Variants in MS4A6A observed in about 807,000 individuals in gnomAD.
MS4A6A encodes the protein membrane-spanning 4-domains subfamily A member 6A.
Under a neutral mutation model 20.6 loss-of-function variants are expected in MS4A6A, and 19 were observed. That is an observed-to-expected ratio of 0.92 (90% CI 0.64 to 1.36). MS4A6A has a LOEUF of 1.36. Ranked by LOEUF, MS4A6A falls within the 40% of genes most tolerant of loss-of-function variation. The pLI is 0.00. For missense variants in MS4A6A, 272 were observed against 261.1 expected (o/e 1.04, Z -0.29); for synonymous variants, 108 against 105.0 (o/e 1.03, Z -0.17).
intron 3 of MS4A6A, 65 bp downstream of exon 3, chr11:60,179,766 T>G: frequency 6.3e-7 from 1 of 1,584,960 alleles, no homozygotes. Flanking sequence ...AGGTGGGAAG[T>G]CTAAGCTATT....
chr11:60,181,028 C>T (rs542066409), intron 2 of MS4A6A: 24 of 453,938 alleles, frequency 5.3e-5, no homozygotes, highest in African/African-American at 4.6e-4. Flanking sequence ...CTGTGTTTCC[C>T]TCCCAATCCA....
intron 4 of MS4A6A, among the ~76,000 whole-genome samples, chr11:60,175,846 G>A (rs748173165): frequency 1.4e-4 from 22 of 152,144 alleles, no homozygotes; most frequent in Non-Finnish European, 2.4e-4. Flanking sequence ...CCTCAGTGGT[G>A]TGGTAGAGAA....
chr11:60,175,325 T>G, intron 5 of MS4A6A, 77 bp downstream of exon 5: 1 of 1,257,458 alleles, frequency 8.0e-7, no homozygotes, highest in Non-Finnish European at 1.1e-6. Context: ...AGAGAGATTT[T>G]CAAAAGAAGG....
In MS4A6A at chr11:60,181,734, G is replaced by A. The variant is rs369091345; in HGVS notation, c.-7C>T. 2.4e-5 allele frequency: 39 copies of A among 1,613,784 alleles called. No homozygotes were observed. The East Asian group carries it at 4.5e-4, about 18-fold the overall frequency. On this transcript the variant is annotated 5_prime_UTR_variant, in exon 2 of 6. Coordinates refer to ENST00000528851, the MANE Select transcript of MS4A6A (RefSeq NM_022349.4). ...GAACAGGTTGTGATGTCATGATGGT[G>A]TTGCCAACTATGTAAGAAAAAATAG...
At chr11:60,178,917 T>C in intron 3 of MS4A6A, 1 of 382,306 alleles carries the variant, frequency 2.6e-6, no homozygotes, top group Admixed American at 3.7e-5. Flanking sequence ...CTATCAAAGT[T>C]CTCAAGGAAA....
intron 2 of MS4A6A, 97 bp downstream of exon 2, chr11:60,181,484 G>A (rs1590684164): frequency 6.7e-7 from 1 of 1,486,630 alleles, no homozygotes; most frequent in African/African-American, 1.4e-5. Flanking sequence ...AAAATTTTAG[G>A]GTCTCCACAC....
chr11:60,181,712 C>G lies in MS4A6A; in HGVS notation c.16G>C (p.Val6Leu). The G allele has an allele frequency of 3.7e-6, 6 of 1,614,122 alleles. No individual in the cohort carries two copies. Among genetic ancestry groups the G allele is most frequent in the African/African-American group, 1.3e-5 (1 of 75,036 alleles). ...AGCACTATGATGGTCTCATTGGGAA[C>G]AGGTTGTGATGTCATGATGGTGTTG... The part of the protein sequence containing the change: MTSQP[V>L]PNETIIVLPS... The change falls in exon 2 of 6, where the codon GTT becomes CTT. Residue 6 changes from valine to leucine, a missense_variant. Val to Leu is a conservative substitution (Grantham distance 32). Transcript: ENST00000528851.
chr11:60,173,661 T>C (rs948241632), intron 5 of MS4A6A, among the ~76,000 whole-genome samples: 48 of 152,252 alleles, frequency 3.2e-4, no homozygotes, highest in African/African-American at 1.1e-3. Context: ...GACATCCCTG[T>C]CTATGTATCT....
chr11:60,175,741 G>A (rs1856806685), intron 4 of MS4A6A, 130 bp from the exon 5 acceptor site: 2 of 920,206 alleles, frequency 2.2e-6, no homozygotes, highest in Non-Finnish European at 3.3e-6. Flanking sequence ...ATTTATTGCT[G>A]TATGCCTCTC....
chr11:60,174,381 T>C (rs1301300260), intron 5 of MS4A6A, among the ~76,000 whole-genome samples: 2 of 151,326 alleles, frequency 1.3e-5, no homozygotes, highest in Non-Finnish European at 2.9e-5. Flanking sequence ...TGGAGTGCAG[T>C]GGCGTGATCT....
In MS4A6A at chr11:60,182,981, T is replaced by A; in HGVS notation, c.-18A>T. The stretch of plus-strand genomic sequence containing the variant: ...AAAGTCTTCCAGCATTACCTACCTG[T>A]GCCCGTTGGTTCCAGCTGAGTCCTC... On this transcript the variant is annotated 5_prime_UTR_variant, in exon 1 of 6. Transcript: ENST00000528851. 7.2e-7 allele frequency: 1 copy of A among 1,381,544 alleles called. No homozygotes were observed. Among genetic ancestry groups the A allele is most frequent in the Non-Finnish European group, 9.3e-7 (1 of 1,073,362 alleles). The allele number at this position is 1,381,544 out of a possible 1,614,324, so 85.6% of individuals were successfully genotyped here.
At chr11:60,178,407 G>GA (rs1313821172) in intron 3 of MS4A6A, 91 bp from the exon 4 acceptor site, 8 of 999,286 alleles carry the variant, frequency 8.0e-6, no homozygotes, top group Non-Finnish European at 1.2e-5. Context: ...ACTCTCATGG[G>GA]AAAATCCCTG....
rs138650483 is a variant in MS4A6A at position 60,173,027 on chromosome 11, C to T, written c.652G>A (p.Val218Met). Reference sequence around the variant, plus strand: ...TAAGTGAAGCCGGCCAGCACACTCACCCCAGGGAAGTCAGAGTAAGCCTGT... The same window carrying T: ...TAAGTGAAGCCGGCCAGCACACTCATCCCAGGGAAGTCAGAGTAAGCCTGT... ...WKQAYSDFPG[V>M]SVLAGFT is the part of the protein sequence containing the mutation. The change falls in exon 6 of 6, where the codon GTG becomes ATG. Residue 218 changes from valine (V) to methionine (M), a missense_variant. Val to Met is a conservative substitution (Grantham distance 21). Coordinates refer to ENST00000528851, the MANE Select transcript of MS4A6A (RefSeq NM_022349.4). The T allele has an allele frequency of 4.1e-3, 6,683 of 1,613,770 alleles. 21 individuals are homozygous for T. Among genetic ancestry groups the T allele is most frequent in the Admixed American group, 4.4e-3 (266 of 60,016 alleles).
chr11:60,179,530 C>G lies in MS4A6A; in HGVS notation c.282+301G>C. On this transcript the variant is annotated intron_variant, in intron 3 of 5. Transcript: ENST00000528851. ...ATAAAATGTTCCTTCCCAACTTTAT[C>G]CTAATTCATGGATTTTTTTTTCGCC... 1.8e-5 allele frequency: 10 copies of G among 563,190 alleles called. No homozygotes were observed. In the South Asian group the frequency reaches 2.4e-4, roughly 13 times the overall value. The allele number at this position is 563,190 out of a possible 1,614,324, so 34.9% of individuals were successfully genotyped here.
chr11:60,172,040 A>G (rs1407611453), downstream of MS4A6A: 3 of 954,174 alleles, frequency 3.1e-6, no homozygotes, highest in South Asian at 1.9e-5. Flanking sequence ...GTTTTTTTTA[A>G]TGTTCATTAC....
chr11:60,178,480 T>C (rs1856963425), intron 3 of MS4A6A, 164 bp from the exon 4 acceptor site: 2 of 547,136 alleles, frequency 3.7e-6, no homozygotes, highest in South Asian at 5.8e-5. Flanking sequence ...TTTGTCCATA[T>C]AACATTCAGA....
chr11:60,179,516 C>T, intron 3 of MS4A6A: 4 of 573,406 alleles, frequency 7.0e-6, no homozygotes, highest in South Asian at 4.5e-5. Flanking sequence ...TAAAATGTTC[C>T]TTCCCAACTT....
chr11:60,172,583 T>G lies in MS4A6A; in HGVS notation c.*418A>C. ...AGGGGCAAATGCAGAGCATAAGACA[T>G]TCACTGGATCCAGTTACGTGTGTAA... On this transcript the variant is annotated 3_prime_UTR_variant, in exon 6 of 6. Coordinates refer to ENST00000528851, the MANE Select transcript of MS4A6A (RefSeq NM_022349.4). 8.9e-7 allele frequency: 1 copy of G among 1,126,594 alleles called. No homozygotes were observed. The highest frequency in any genetic ancestry group is 1.1e-6 in the Non-Finnish European group (1 of 916,640). 69.8% of individuals were successfully genotyped at this position (1,126,594 alleles called of 1,614,324 possible).
chr11:60,183,401 G>T, upstream of MS4A6A: 1 of 528,596 alleles, frequency 1.9e-6, no homozygotes, highest in East Asian at 3.2e-5. Context: ...TTTATAAAAA[G>T]CCTATGCTGC....
Sources: allele counts gnomAD v4.1 joint callset (sites outside exome capture counted in the v4.1 genomes callset), GRCh38; gene constraint gnomAD v4.1.1; transcripts MANE v1.5; gene names NCBI Gene and HGNC (gene_info 2026-07-23, HGNC 2026-07-21).